The following GABRA1 variants were observed in gnomAD, a reference collection of about 807,000 sequenced individuals.
GABRA1 encodes the protein gamma-aminobutyric acid receptor subunit alpha-1.
In GABRA1, 9 loss-of-function variants were observed where a neutral mutation model predicts 48.9. The observed-to-expected ratio is 0.18, with a 90% CI of 0.11 to 0.32. GABRA1 has a LOEUF of 0.32. Among genes scored for constraint, GABRA1 ranks in the 10% least tolerant of loss-of-function variants. The pLI is 1.00. For synonymous variants in GABRA1, 210 were observed against 198.7 expected (o/e 1.06, Z -0.48); for missense variants, 285 against 553.8 (o/e 0.51, Z 4.87).
At chr5:161,893,999 C>T (rs1013919598) in intron 8 of GABRA1, among the ~76,000 whole-genome samples, 2 of 151,990 alleles carry the variant, frequency 1.3e-5, no homozygotes, top group Non-Finnish European at 2.9e-5. Context: ...TAAAAATACC[C>T]GTTACCACAT....
chr5:161,855,214 C>A (rs1044813079), intron 3 of GABRA1, among the ~76,000 whole-genome samples: 1 of 151,486 alleles, frequency 6.6e-6, no homozygotes, highest in African/African-American at 2.4e-5. Context: ...TTAGACAGCA[C>A]AGATAAGCAA....
chr5:161,854,779 A>C (rs1009870709), intron 3 of GABRA1, among the ~76,000 whole-genome samples: 1 of 151,604 alleles, frequency 6.6e-6, no homozygotes, highest in Non-Finnish European at 1.5e-5. Flanking sequence ...GTGCATTTGA[A>C]CTTATACCCT....
Position 161,897,481 on chromosome 5 carries a change from A to C in GABRA1, c.*59A>C. ...GCACTGGGAATTTATTTATGTTCTCAACGCAGTAATTCCCATCTGCTTTAT... is the reference window on the plus strand; with the variant it reads ...GCACTGGGAATTTATTTATGTTCTCCACGCAGTAATTCCCATCTGCTTTAT... On this transcript the variant is annotated 3_prime_UTR_variant, in exon 10 of 10. Transcript: ENST00000393943. 1 of 1,434,406 alleles carries C rather than the reference A, an allele frequency of 7.0e-7. No individual in the cohort carries two copies. The allele number at this position is 1,434,406 out of a possible 1,614,324, so 88.9% of individuals were successfully genotyped here. A position where few individuals can be genotyped will look rare whatever the true frequency, so the allele number is the denominator to read the frequency against.
chr5:161,897,178 C>A lies in GABRA1; in HGVS notation c.1127C>A (p.Thr376Asn), dbSNP rs761617651. The A allele has an allele frequency of 1.2e-6, 2 of 1,614,116 alleles. No homozygotes were observed. The highest frequency in any genetic ancestry group is 3.3e-5 in the Admixed American group (2 of 60,018). Residue 376 changes from threonine to asparagine, a missense_variant, in exon 10 of 10, where the codon ACC becomes AAC. This residue lies in a region of GABRA1 where 99 missense variants were observed against 94.2 expected (regional missense o/e 1.05). Coordinates refer to ENST00000393943, the MANE Select transcript of GABRA1 (RefSeq NM_001127644.2). ...TACGCTCCAACAGCAACCAGCTACA[C>A]CCCTAATTTGGCCAGGGGCGACCCG... ...NTYAPTATSY[T>N]PNLARGDPGL...
chr5:161,880,669 G>T lies in GABRA1; in HGVS notation c.560-1889G>T, dbSNP rs149900667. Among the ~76,000 whole-genome samples, 361 of 152,208 alleles carry T rather than the reference G, an allele frequency of 2.4e-3. 3 individuals carry two copies. The highest frequency in any genetic ancestry group is 4.2e-3 in the Non-Finnish European group (286 of 68,000). The stretch of plus-strand genomic sequence containing the variant: ...TATAAATTGATGCAGAAGTGATATT[G>T]GAACTGGCAGGCTACCCTTATAAAA... On this transcript the variant is annotated intron_variant, in intron 6 of 9. Transcript: ENST00000393943.
At chr5:161,871,935 T>G (rs1754139056) in intron 4 of GABRA1, among the ~76,000 whole-genome samples, 2 of 152,194 alleles carry the variant, frequency 1.3e-5, no homozygotes. Flanking sequence ...GAACACACCT[T>G]CATTCAGCCT....
chr5:161,895,682 C>T lies in GABRA1; in HGVS notation c.873C>T (p.Leu291=), dbSNP rs777911034. ...ARTVFGVTTV[L]TMTTLSISAR... ...TCTTTACAGGAGTAACAACTGTGCT[C>T]ACCATGACAACATTGAGCATCAGTG... is the stretch of plus-strand genomic sequence containing the variant. Residue 291 remains leucine, a synonymous_variant, in exon 9 of 10, where the codon CTC becomes CTT. Transcript: ENST00000393943. 104 of 1,613,556 alleles carry T rather than the reference C, an allele frequency of 6.4e-5. No homozygotes were observed. The highest frequency in any genetic ancestry group is 8.5e-5 in the Non-Finnish European group (100 of 1,179,832).
chr5:161,873,391 A>G, intron 5 of GABRA1, 54 bp downstream of exon 5: 1 of 1,377,002 alleles, frequency 7.3e-7, no homozygotes, highest in Non-Finnish European at 1.0e-6. Context: ...ATTCCCTTCC[A>G]CTTGTAGGCA....
At chr5:161,881,976 G>GAGGAGGAGGAGAAGGAGA (rs1754634971) in intron 6 of GABRA1, 2 of 154,076 alleles carry the variant, frequency 1.3e-5, no homozygotes, top group South Asian at 4.1e-4. Context: ...GGGGGAGGAG[G>GAGGAGGAGGAGAAGGAGA]AGGAGGAGGA....
intron 8 of GABRA1, among the ~76,000 whole-genome samples, chr5:161,893,448 A>AT (rs936726802): frequency 1.5e-4 from 23 of 151,410 alleles, no homozygotes; most frequent in Admixed American, 4.0e-4. Context: ...AACTCAGCAC[A>AT]TTTTTTTTTC....
intron 5 of GABRA1, 29 bp from the exon 6 acceptor site, chr5:161,875,531 T>C (rs1389158861): frequency 1.3e-6 from 2 of 1,560,686 alleles, no homozygotes; most frequent in African/African-American, 2.7e-5. Flanking sequence ...TCTATATGGC[T>C]CTTGTTTGTA....
intron 5 of GABRA1, among the ~76,000 whole-genome samples, chr5:161,875,080 T>G (rs185956409): frequency 1.8e-4 from 27 of 152,240 alleles, no homozygotes; most frequent in Admixed American, 1.6e-3. Flanking sequence ...ACATCCCCCT[T>G]CAGCTTTTCC....
In GABRA1 at chr5:161,875,670, G is replaced by A. The variant is rs761997367; in HGVS notation, c.559+28G>A. On this transcript the variant is annotated intron_variant, in intron 6 of 9. Transcript: ENST00000393943. ...GAGTAAATTTATATGGACTTTTCTT[G>A]ATTGTAAGTCATTAAGCAAGAGATC... is the stretch of plus-strand genomic sequence containing the variant. The A allele has an allele frequency of 2.7e-6, 4 of 1,492,966 alleles. No homozygotes were observed. In the East Asian group the frequency reaches 6.8e-5, roughly 25 times the overall value. 92.5% of individuals were successfully genotyped at this position (1,492,966 alleles called of 1,614,324 possible). A position where few individuals can be genotyped will look rare whatever the true frequency, so the allele number is the denominator to read the frequency against.
In GABRA1 at chr5:161,897,140, G is replaced by A; in HGVS notation, c.1089G>A (p.Lys363=). ...KPKKVKDPLI[K]KNNTYAPTAT... ...AGAAAGTAAAGGATCCTCTTATTAA[G>A]AAAAACAACACTTACGCTCCAACAG... Residue 363 remains lysine (K), a synonymous_variant, in exon 10 of 10, where the codon AAG becomes AAA. Coordinates refer to ENST00000393943, the MANE Select transcript of GABRA1 (RefSeq NM_001127644.2). The A allele has an allele frequency of 6.2e-7, 1 of 1,613,968 alleles. No individual in the cohort carries two copies. Among genetic ancestry groups the A allele is most frequent in the South Asian group, 1.1e-5 (1 of 91,062 alleles).
chr5:161,872,491 A>G (rs1028149590), intron 4 of GABRA1, among the ~76,000 whole-genome samples: 1 of 151,360 alleles, frequency 6.6e-6, no homozygotes, highest in Non-Finnish European at 1.5e-5. Context: ...TTCTTTTTGA[A>G]AAGGATTCAA....
intron 3 of GABRA1, among the ~76,000 whole-genome samples, chr5:161,857,021 T>A (rs1374254210): frequency 1.3e-5 from 2 of 151,004 alleles, no homozygotes; most frequent in East Asian, 3.9e-4. Context: ...TAGATCCCAA[T>A]TGCAAAACAG....
At chr5:161,856,576 T>C (rs1398090682) in intron 3 of GABRA1, among the ~76,000 whole-genome samples, 2 of 151,358 alleles carry the variant, frequency 1.3e-5, no homozygotes, top group Non-Finnish European at 3.0e-5. Flanking sequence ...TCAAATATTT[T>C]CTCTATTTTT....
intron 3 of GABRA1, among the ~76,000 whole-genome samples, chr5:161,854,509 G>C (rs1196163853): frequency 1.3e-5 from 2 of 151,642 alleles, no homozygotes; most frequent in Admixed American, 1.3e-4. Flanking sequence ...ACATTTATAT[G>C]ATAAGCACAG....
At chr5:161,863,974 TC>T (rs1237104648) in intron 3 of GABRA1, among the ~76,000 whole-genome samples, 1 of 151,270 alleles carries the variant, frequency 6.6e-6, no homozygotes, top group Non-Finnish European at 1.5e-5. Flanking sequence ...CACAGAAACT[TC>T]CCCCCTTGCT....
Sources: gnomAD v4.1 joint callset for allele counts (sites outside exome capture counted in the v4.1 genomes callset) on GRCh38, gnomAD v4.1.1 for gene constraint, gnomAD v4.1.1 regional missense constraint, MANE v1.5 for transcripts, NCBI Gene and HGNC (gene_info 2026-07-23, HGNC 2026-07-21) for gene names.